The following ALDH16A1 variants were observed in gnomAD, a reference collection of about 807,000 sequenced individuals.
ALDH16A1 encodes the protein aldehyde dehydrogenase 16 family member A1, also known as aldehyde dehydrogenase family 16 member A1.
ALDH16A1 carries 88 observed loss-of-function variants against 96.1 expected under a neutral mutation model. That is an observed-to-expected ratio of 0.92 (90% CI 0.77 to 1.09). The LOEUF (loss-of-function observed/expected upper bound fraction) is 1.09, where lower values mean the gene tolerates loss of function less well. Ranked by LOEUF, ALDH16A1 falls within the 50% of genes least tolerant of loss-of-function variation. ALDH16A1 has a pLI of 0.00. For synonymous variants in ALDH16A1, 522 were observed against 496.4 expected, an observed-to-expected ratio of 1.05 and a Z score of -0.69; for missense variants, 1,250 against 1,112.6, an observed-to-expected ratio of 1.12 and a Z score of -1.76.
chr19:49,467,651 C>T (rs991081541), intron 14 of ALDH16A1, among the ~76,000 whole-genome samples: 2 of 151,626 alleles, frequency 1.3e-5, no homozygotes, highest in African/African-American at 4.8e-5. Flanking sequence ...ACCTTGGCCT[C>T]CCAAAGTGCT....
In ALDH16A1 at chr19:49,453,435, C is replaced by T. The variant is rs757060643; in HGVS notation, c.90+14C>T. 2 of 1,518,082 alleles carry T rather than the reference C, an allele frequency of 1.3e-6. No homozygotes were observed. The highest frequency in any genetic ancestry group is 1.4e-5 in the African/African-American group (1 of 72,786). The allele number at this position is 1,518,082 out of a possible 1,614,324, so 94.0% of individuals were successfully genotyped here. A position where few individuals can be genotyped will look rare whatever the true frequency, so the allele number is the denominator to read the frequency against. On this transcript the variant is annotated intron_variant, in intron 1 of 16. Transcript: ENST00000293350. ...GCATGCGCACTGGTGAGAGTCTGCC[C>T]GGCCGGCGCTGCTCGCTGCGTTCCC... is the stretch of plus-strand genomic sequence containing the variant.
At chr19:49,463,712 G>T (rs1601033112) in intron 8 of ALDH16A1, 142 bp from the exon 9 acceptor site, 2 of 633,288 alleles carry the variant, frequency 3.2e-6, no homozygotes, top group East Asian at 5.6e-5. Context: ...GAGAGGCTGG[G>T]GGTCCAGACT....
At chr19:49,470,222 CA>C in intron 16 of ALDH16A1, 83 bp from the exon 17 acceptor site, 1 of 1,525,946 alleles carries the variant, frequency 6.6e-7, no homozygotes, top group Non-Finnish European at 9.0e-7. Context: ...AGCCCCTCGT[CA>C]GTAACAGTCT....
At chr19:49,470,006 G>A (rs1001398124) in intron 16 of ALDH16A1, 11 of 283,828 alleles carry the variant, frequency 3.9e-5, no homozygotes, top group African/African-American at 1.6e-4. Context: ...GCGAGTCACC[G>A]CGCCCCACCG....
chr19:49,468,927 A>T lies in ALDH16A1; in HGVS notation c.2188A>T (p.Thr730Ser). Residue 730 changes from threonine (T) to serine (S), a missense_variant, in exon 16 of 17, where the codon ACC becomes TCC. Coordinates refer to ENST00000293350, the MANE Select transcript of ALDH16A1 (RefSeq NM_153329.4). This position sits in a 1 kb window ranked among gnomAD's most constrained non-coding sequence, Gnocchi z 4.4. ...GGTGACAGGAGACCGGGACCATCTG[A>T]CCCGCTGCCTGGCCTTGCACCAAGA... is the stretch of plus-strand genomic sequence containing the variant. ...NVVTGDRDHLTRCLALHQDVQ... is the reference protein window; with the variant it reads ...NVVTGDRDHLSRCLALHQDVQ... The T allele has an allele frequency of 6.2e-7, 1 of 1,613,736 alleles. No homozygotes were observed. Among genetic ancestry groups the T allele is most frequent in the South Asian group, 1.1e-5 (1 of 91,056 alleles).
At chr19:49,460,932 G>C in intron 5 of ALDH16A1, 33 bp downstream of exon 5, 4 of 1,601,876 alleles carry the variant, frequency 2.5e-6, no homozygotes, top group Non-Finnish European at 3.4e-6. Flanking sequence ...CTGACTCTTG[G>C]GTCTGAGAAA....
Position 49,464,120 on chromosome 19 carries a change from C to G in ALDH16A1, c.1195-7C>G. 6.2e-7 allele frequency: 1 copy of G among 1,606,732 alleles called. No homozygotes were observed. Among genetic ancestry groups the G allele is most frequent in the East Asian group, 2.2e-5 (1 of 44,792 alleles). ...GGAGGGCTGAGCCTCCCGGTCACCCCTTGCAGGTGCCGTGGCCTGTGGTCG... is the reference window on the plus strand; with the variant it reads ...GGAGGGCTGAGCCTCCCGGTCACCCGTTGCAGGTGCCGTGGCCTGTGGTCG... On this transcript the variant is annotated splice_polypyrimidine_tract_variant and splice_region_variant and intron_variant, in intron 9 of 16. Transcript: ENST00000293350.
At position 49,462,036 on chromosome 19, in the gene ALDH16A1, G is replaced by C. The variant is rs770140025; in HGVS notation, c.912G>C (p.Pro304=). 4.2e-5 allele frequency: 64 copies of C among 1,539,764 alleles called. No individual in the cohort carries two copies. Among genetic ancestry groups the C allele is most frequent in the Non-Finnish European group, 3.1e-5 (36 of 1,147,372 alleles). The change falls in exon 7 of 17, where the codon CCG becomes CCC. Residue 304 remains proline (P), a splice_region_variant and synonymous_variant. Transcript: ENST00000293350. ...ACGCCGCCTGGTCCGACCGCGGCCC[G>C]GTGAGACCCGTGCGCTCCCGTCTCC... ...VVDAAWSDRG[P]GGLRLLIQES...
rs767922456 is a variant in ALDH16A1, at chr19:49,461,699, T to G, written c.658T>G (p.Phe220Val). ...CCAGCTGGCGGGGGAGCTGGGCCCC[T>G]TCCCGGGAATCCTGAATGTCCTCAG... ...LAQLAGELGP[F>V]PGILNVLSGP... Residue 220 changes from phenylalanine to valine, a missense_variant, in exon 6 of 17, where the codon TTC (phenylalanine) becomes GTC (valine). By Grantham distance (50) the Phe-to-Val change is conservative. Transcript: ENST00000293350. 4 of 1,609,064 alleles carry G rather than the reference T, an allele frequency of 2.5e-6. No homozygotes were observed. The East Asian group carries it at 6.7e-5, about 27-fold the overall frequency.
chr19:49,455,416 CAAAAAAA>C (rs10530269), intron 1 of ALDH16A1, among the ~76,000 whole-genome samples: 37 of 136,652 alleles, frequency 2.7e-4, no homozygotes, highest in Admixed American at 6.1e-4. Context: ...AACTCCATCT[CAAAAAAA>C]AAAAAAAAAA....
intron 8 of ALDH16A1, 106 bp from the exon 9 acceptor site, chr19:49,463,748 G>A (rs2079173418): frequency 6.7e-6 from 6 of 902,082 alleles, no homozygotes; most frequent in Non-Finnish European, 1.0e-5. Flanking sequence ...GGAGGGGCTG[G>A]GGGCCTGGAC....
Position 49,468,600 on chromosome 19 carries a change from G to T in ALDH16A1, c.2124+34G>T, listed in dbSNP as rs146437176. The T allele has an allele frequency of 3.8e-6, 6 of 1,595,288 alleles. No homozygotes were observed. Among genetic ancestry groups the T allele is most frequent in the Non-Finnish European group, 5.1e-6 (6 of 1,176,274 alleles). On this transcript the variant is annotated intron_variant, in intron 15 of 16. Coordinates refer to ENST00000293350, the MANE Select transcript of ALDH16A1 (RefSeq NM_153329.4). This position sits in a 1 kb window ranked among gnomAD's most constrained non-coding sequence, Gnocchi z 4.4. Reference sequence around the variant, plus strand: ...CCCTGCCTTCCTGCCTCTCCTCCCCGTAGCCTCAGGGCAGCAGAAAAAGGC... The same window carrying T: ...CCCTGCCTTCCTGCCTCTCCTCCCCTTAGCCTCAGGGCAGCAGAAAAAGGC...
At position 49,470,755 on chromosome 19, in the gene ALDH16A1, C is replaced by G. The variant is rs1235449949; in HGVS notation, c.*288C>G. On this transcript the variant is annotated 3_prime_UTR_variant, in exon 17 of 17. Coordinates refer to ENST00000293350, the MANE Select transcript of ALDH16A1 (RefSeq NM_153329.4). ...CCTCGACCTCTGGGGCTCAAGGGAT[C>G]CTCATGCCTCAGCCTCATATGTAGC... is the stretch of plus-strand genomic sequence containing the variant. The G allele has an allele frequency of 3.2e-5, 9 of 284,650 alleles. No homozygotes were observed. In the Admixed American group the frequency reaches 4.4e-4, roughly 14 times the overall value. 17.6% of individuals were successfully genotyped at this position (284,650 alleles called of 1,614,324 possible).
At chr19:49,455,591 C>T (rs1180577319) in intron 1 of ALDH16A1, among the ~76,000 whole-genome samples, 2 of 151,412 alleles carry the variant, frequency 1.3e-5, no homozygotes, top group East Asian at 3.9e-4. Flanking sequence ...AGACCCTGTC[C>T]CCCCTGAAAA....
rs377367624 is a variant in ALDH16A1 at position 49,461,780 on chromosome 19, G to A, written c.739G>A (p.Ala247Thr). The A allele has an allele frequency of 4.3e-6, 7 of 1,611,150 alleles. No individual in the cohort carries two copies. The highest frequency in any genetic ancestry group is 5.9e-6 in the Non-Finnish European group (7 of 1,178,890). The change falls in exon 6 of 17, where the codon GCC becomes ACC. Residue 247 changes from alanine (A) to threonine (T), a missense_variant. Transcript: ENST00000293350. ...LASQPGIRKV[A>T]FCGAPEEGRA... Reference sequence around the variant, plus strand: ...CTCCCAGCCTGGAATCCGGAAGGTGGCCTTCTGCGGAGCCCCGGAGGTACC... The same window carrying A: ...CTCCCAGCCTGGAATCCGGAAGGTGACCTTCTGCGGAGCCCCGGAGGTACC...
intron 1 of ALDH16A1, among the ~76,000 whole-genome samples, chr19:49,456,359 C>T (rs573603970): frequency 8.5e-5 from 13 of 152,260 alleles, no homozygotes; most frequent in African/African-American, 3.1e-4. Context: ...GGTCTGTTAC[C>T]ACACTTAACA....
chr19:49,461,810 G>A lies in ALDH16A1; in HGVS notation c.759+10G>A. On this transcript the variant is annotated intron_variant, in intron 6 of 16. Transcript: ENST00000293350. ...CTGCGGAGCCCCGGAGGTACCTTCG[G>A]GACAGGGGTCGTGGCGGAACGCGGC... is the stretch of plus-strand genomic sequence containing the variant. 1 of 1,609,296 alleles carries A rather than the reference G, an allele frequency of 6.2e-7. No individual in the cohort carries two copies. Among genetic ancestry groups the A allele is most frequent in the South Asian group, 1.1e-5 (1 of 90,470 alleles).
chr19:49,453,891 C>T (rs2079088548), intron 1 of ALDH16A1, among the ~76,000 whole-genome samples: 1 of 152,052 alleles, frequency 6.6e-6, no homozygotes, highest in African/African-American at 2.4e-5. Flanking sequence ...CTTTGATTAC[C>T]CAGAGACCTT....
chr19:49,464,664 C>A lies in ALDH16A1; in HGVS notation c.1470C>A (p.Thr490=), dbSNP rs2079183349. The change falls in exon 12 of 17, where the codon ACC becomes ACA. Residue 490 remains threonine, a synonymous_variant. Transcript: ENST00000293350. ...ATGAGTATCTGCGGCCCTCAGGGAC[C>A]CCTGCCCGGCTGTCCTGCCTCTCCA... ...GLYEYLRPSG[T]PARLSCLSKN... The A allele has an allele frequency of 6.2e-7, 1 of 1,614,078 alleles. No homozygotes were observed.
Sources: allele counts gnomAD v4.1 joint callset (sites outside exome capture counted in the v4.1 genomes callset), GRCh38; gene constraint gnomAD v4.1.1; non-coding constraint Gnocchi (gnomAD v3.1); transcripts MANE v1.5; gene names NCBI Gene and HGNC (gene_info 2026-07-23, HGNC 2026-07-21).